SELENOI: variants seen among roughly 807,000 people sequenced by gnomAD.
The protein encoded by SELENOI is selenoprotein I, also known as ethanolaminephosphotransferase 1.
Under a neutral mutation model 50.7 loss-of-function variants are expected in SELENOI, and 24 were observed. That is an observed-to-expected ratio of 0.47 (90% CI 0.34 to 0.67). The LOEUF is 0.67. SELENOI is among the 30% of genes least tolerant of loss of function. The probability of loss-of-function intolerance (pLI) is 0.01; values close to 1 mark genes in which losing one functional copy is unlikely to be tolerated. For synonymous variants in SELENOI, 155 were observed against 170.2 expected, an observed-to-expected ratio of 0.91 and a Z score of 0.70; for missense variants, 352 against 461.4, an observed-to-expected ratio of 0.76 and a Z score of 2.17.
intron 3 of SELENOI, among the ~76,000 whole-genome samples, chr2:26,366,509 A>G (rs901955738): frequency 1.3e-5 from 2 of 152,182 alleles, no homozygotes; most frequent in African/African-American, 4.8e-5. Context: ...CAGATAAACC[A>G]TCTGTTCCCA....
At chr2:26,381,198 CTTT>C (rs57102834) in intron 6 of SELENOI, among the ~76,000 whole-genome samples, 327 of 30,180 alleles carry the variant, frequency 0.011, 1 homozygote, top group South Asian at 0.02. Context: ...TCAGTTTGGT[CTTT>C]TTTTTTTTTT....
chr2:26,355,249 A>G (rs938511344), intron 1 of SELENOI, among the ~76,000 whole-genome samples: 1 of 152,208 alleles, frequency 6.6e-6, no homozygotes, highest in Non-Finnish European at 1.5e-5. Context: ...AAGAGAAACT[A>G]TTTTCAGATA....
chr2:26,346,354 G>T (rs1310274977), intron 1 of SELENOI, 65 bp downstream of exon 1: 6 of 1,524,504 alleles, frequency 3.9e-6, no homozygotes, highest in Non-Finnish European at 4.4e-6. Context: ...TGAGGGGCCC[G>T]CGCGGCGCGG....
chr2:26,377,031 A>T (rs1224399620), intron 6 of SELENOI, among the ~76,000 whole-genome samples: 3 of 151,746 alleles, frequency 2.0e-5, no homozygotes, highest in Non-Finnish European at 1.5e-5. Flanking sequence ...TGAGCTGTTG[A>T]CTCTGTTGGA....
chr2:26,383,022 G>A (rs1677741044), intron 6 of SELENOI, among the ~76,000 whole-genome samples: 1 of 152,070 alleles, frequency 6.6e-6, no homozygotes, highest in African/African-American at 2.4e-5. Flanking sequence ...GGAAACTGAG[G>A]CAGTAAAACA....
At chr2:26,349,932 CAAAAAAAA>C (rs70950184) in intron 1 of SELENOI, among the ~76,000 whole-genome samples, 1 of 55,286 alleles carries the variant, frequency 1.8e-5, no homozygotes, top group Non-Finnish European at 3.1e-5. Context: ...CTCATCTCCA[CAAAAAAAA>C]AAAAAAAAAA....
At position 26,395,368 on chromosome 2, in the gene SELENOI, T is replaced by C. The variant is rs1273390386; in HGVS notation, c.*6265T>C. On this transcript the variant is annotated 3_prime_UTR_variant, in exon 10 of 10. Coordinates refer to ENST00000260585, the MANE Select transcript of SELENOI (RefSeq NM_033505.4). ...GTCCTCGAGAAAGGCCCTTTAAATATGTCACTTTCCCATTTTCCTTTAACC... is the reference window on the plus strand; with the variant it reads ...GTCCTCGAGAAAGGCCCTTTAAATACGTCACTTTCCCATTTTCCTTTAACC... 1 of 152,186 alleles carries C rather than the reference T, an allele frequency of 6.6e-6. No homozygotes were observed. Among genetic ancestry groups the C allele is most frequent in the Admixed American group, 6.5e-5 (1 of 15,282 alleles). The allele number at this position is 152,186 out of a possible 1,614,324, so 9.4% of individuals were successfully genotyped here. A position where few individuals can be genotyped will look rare whatever the true frequency, so the allele number is the denominator to read the frequency against.
chr2:26,374,047 C>T (rs4007242), intron 5 of SELENOI, among the ~76,000 whole-genome samples: 42,666 of 151,938 alleles, frequency 0.28, 7,014 homozygotes, highest in Non-Finnish European at 0.36. Context: ...CCACCGTGCT[C>T]GACCCTTCTC....
intron 1 of SELENOI, among the ~76,000 whole-genome samples, chr2:26,360,130 A>G (rs191351828): frequency 6.6e-6 from 1 of 152,366 alleles, no homozygotes; most frequent in Non-Finnish European, 1.5e-5. Context: ...AACAAACCCA[A>G]ATCTAGTCTA....
At chr2:26,366,756 G>A (rs943875569) in intron 3 of SELENOI, among the ~76,000 whole-genome samples, 1 of 152,166 alleles carries the variant, frequency 6.6e-6, no homozygotes, top group Non-Finnish European at 1.5e-5. Context: ...AATAGTATAG[G>A]AAAGGATAAG....
Position 26,385,014 on chromosome 2 carries a change from T to A in SELENOI, c.787T>A (p.Leu263Ile). The stretch of plus-strand genomic sequence containing the variant: ...TTCAGTCTATGAAGCTATGGTTCCC[T>A]TATTTTCTCCATGCTTGCTGTTCAT... The part of the protein sequence containing the change: ...LNSVYEAMVP[L>I]FSPCLLFILS... The change falls in exon 8 of 10, where the codon TTA (leucine) becomes ATA (isoleucine). Residue 263 changes from leucine (L) to isoleucine (I), a missense_variant. Physicochemically the swap from Leu to Ile is conservative, Grantham distance 5. Transcript: ENST00000260585. 6.2e-7 allele frequency: 1 copy of A among 1,612,944 alleles called. No individual in the cohort carries two copies.
At chr2:26,387,286 C>T (rs1463706834) in intron 9 of SELENOI, among the ~76,000 whole-genome samples, 2 of 151,822 alleles carry the variant, frequency 1.3e-5, no homozygotes, top group East Asian at 3.9e-4. Context: ...AATTATTTTA[C>T]ATTTTTAACA....
intron 7 of SELENOI, 120 bp downstream of exon 7, chr2:26,383,467 T>C: frequency 2.9e-6 from 2 of 693,950 alleles, no homozygotes; most frequent in Middle Eastern, 2.5e-4. Flanking sequence ...ACAAAACCTA[T>C]ATTTTAAATC....
chr2:26,370,836 A>C (rs867339570), intron 4 of SELENOI, among the ~76,000 whole-genome samples: 269 of 36,802 alleles, frequency 7.3e-3, no homozygotes, highest in African/African-American at 0.012. Context: ...GGGGGCTGAC[A>C]CCCCCACCTC....
intron 6 of SELENOI, 112 bp downstream of exon 6, chr2:26,375,260 C>T (rs536595331): frequency 4.7e-6 from 3 of 642,146 alleles, no homozygotes; most frequent in Admixed American, 5.5e-5. Context: ...CTCCAGGAAG[C>T]AGAACAACCC....
At chr2:26,383,482 A>C in intron 7 of SELENOI, 135 bp downstream of exon 7, 1 of 604,630 alleles carries the variant, frequency 1.7e-6, no homozygotes, top group Non-Finnish European at 2.9e-6. Flanking sequence ...TAAATCTTTA[A>C]TGGGGTAGGA....
chr2:26,355,428 AGAG>A (rs1191616248), intron 1 of SELENOI, among the ~76,000 whole-genome samples: 1 of 152,266 alleles, frequency 6.6e-6, no homozygotes, highest in Non-Finnish European at 1.5e-5. Flanking sequence ...ACCCTATTTA[AGAG>A]TCAGCAGTGG....
At chr2:26,356,809 A>G (rs1677073856) in intron 1 of SELENOI, among the ~76,000 whole-genome samples, 1 of 152,066 alleles carries the variant, frequency 6.6e-6, no homozygotes, top group Admixed American at 6.6e-5. Context: ...CCACCTTTCC[A>G]GTCTCATTTT....
At chr2:26,359,437 G>T (rs529112806) in intron 1 of SELENOI, among the ~76,000 whole-genome samples, 2 of 152,244 alleles carry the variant, frequency 1.3e-5, no homozygotes, top group East Asian at 3.9e-4. Context: ...GAGGTCAGGG[G>T]TTCAAGACCA....
Sources: allele counts gnomAD v4.1 joint callset (sites outside exome capture counted in the v4.1 genomes callset), GRCh38; gene constraint gnomAD v4.1.1; transcripts MANE v1.5; gene names NCBI Gene and HGNC (gene_info 2026-07-23, HGNC 2026-07-21).